The following GPBP1 variants were observed in gnomAD, a reference collection of about 807,000 sequenced individuals.
The protein encoded by GPBP1 is GC-rich promoter binding protein 1.
GPBP1 carries 13 observed loss-of-function variants against 56.5 expected under a neutral mutation model. The observed-to-expected ratio is 0.23, with a 90% confidence interval of 0.15 to 0.37. GPBP1 has a LOEUF of 0.37. GPBP1 is among the 10% of genes least tolerant of loss of function. The pLI is 1.00. For missense variants in GPBP1, 477 were observed against 572.3 expected (o/e 0.83, Z 1.70); for synonymous variants, 204 against 188.9 (o/e 1.08, Z -0.66).
intron 2 of GPBP1, among the ~76,000 whole-genome samples, chr5:57,208,713 A>G (rs1196558960): frequency 4.9e-5 from 7 of 142,596 alleles, no homozygotes; most frequent in African/African-American, 1.6e-4. Context: ...CTGGAGTGCA[A>G]TGGCGTGATC....
At chr5:57,229,076 T>C (rs749884541) in intron 3 of GPBP1, among the ~76,000 whole-genome samples, 1 of 151,158 alleles carries the variant, frequency 6.6e-6, no homozygotes, top group Non-Finnish European at 1.5e-5. Context: ...ACTAAAAATA[T>C]AAAAATTAAC....
intron 2 of GPBP1, 130 bp from the exon 3 acceptor site, chr5:57,213,944 G>T: frequency 1.8e-6 from 1 of 548,520 alleles, no homozygotes; most frequent in South Asian, 2.4e-5. Context: ...TATCTCTATA[G>T]TTTTGTCTTT....
intron 2 of GPBP1, 34 bp from the exon 3 acceptor site, chr5:57,214,040 T>C: frequency 1.0e-6 from 1 of 997,290 alleles, no homozygotes; most frequent in Non-Finnish European, 1.6e-6. Flanking sequence ...GGCCAGGAGC[T>C]GCAGGTCTAA....
At chr5:57,253,788 A>T (rs1741501003) in intron 10 of GPBP1, among the ~76,000 whole-genome samples, 1 of 152,134 alleles carries the variant, frequency 6.6e-6, no homozygotes, top group African/African-American at 2.4e-5. Context: ...CAAAAAACAA[A>T]AAAAACATAG....
At chr5:57,223,127 A>T (rs1461781993) in intron 3 of GPBP1, among the ~76,000 whole-genome samples, 1 of 151,874 alleles carries the variant, frequency 6.6e-6, no homozygotes, top group Non-Finnish European at 1.5e-5. Flanking sequence ...TTGATATTTT[A>T]AAAAATGTCC....
chr5:57,211,161 T>TG (rs1755459229), intron 2 of GPBP1, among the ~76,000 whole-genome samples: 1 of 151,886 alleles, frequency 6.6e-6, no homozygotes, highest in Non-Finnish European at 1.5e-5. Flanking sequence ...ATACTGCCTT[T>TG]TTTTTTTTTT....
intron 6 of GPBP1, among the ~76,000 whole-genome samples, chr5:57,241,242 A>G (rs985405804): frequency 1.1e-4 from 17 of 152,060 alleles, no homozygotes; most frequent in African/African-American, 3.4e-4. Flanking sequence ...TGAAATGTCA[A>G]CTCTGAATTA....
intron 3 of GPBP1, among the ~76,000 whole-genome samples, chr5:57,229,931 G>T (rs1756368252): frequency 9.6e-6 from 1 of 104,310 alleles, no homozygotes; most frequent in Non-Finnish European, 1.9e-5. Context: ...CCATCCCGTT[G>T]CATCGCATCG....
Position 57,231,098 on chromosome 5 carries a change from G to T in GPBP1, c.188G>T (p.Gly63Val). The change falls in exon 5 of 12, where the codon GGT becomes GTT. Residue 63 changes from glycine to valine, a missense_variant and splice_region_variant. This residue lies in a region of GPBP1 where 414 missense variants were observed against 458.2 expected (regional missense o/e 0.90). Coordinates refer to ENST00000506184, the MANE Select transcript of GPBP1 (RefSeq NM_022913.4). ...FDSAIGRPNGGNFGRKEKNGW... is the reference protein window; with the variant it reads ...FDSAIGRPNGVNFGRKEKNGW... ...ATTACTTTGCTATTATCAAATAAAG[G>T]TAACTTTGGAAGGAAAGAAAAAAAT... 6.2e-7 allele frequency: 1 copy of T among 1,610,776 alleles called. No homozygotes were observed. Among genetic ancestry groups the T allele is most frequent in the African/African-American group, 1.3e-5 (1 of 74,764 alleles).
intron 3 of GPBP1, among the ~76,000 whole-genome samples, chr5:57,226,729 C>CTTTTT (rs70999067): frequency 5.2e-5 from 4 of 77,098 alleles, no homozygotes; most frequent in South Asian, 3.9e-4. Flanking sequence ...TTTTTGTATT[C>CTTTTT]TTTTTTTTTT....
Position 57,192,800 on chromosome 5 carries a change from C to T in GPBP1, c.-58+16400C>T, listed in dbSNP as rs368595608. Among the ~76,000 whole-genome samples, 4 of 149,066 alleles carry T rather than the reference C, an allele frequency of 2.7e-5. No individual in the cohort carries two copies. The East Asian group carries it at 5.9e-4, about 22-fold the overall frequency. ...TTAGGAGTTACTTACATGTCTATTA[C>T]GAAGGCTAATGTTTTGTGTTAGATA... On this transcript the variant is annotated intron_variant, in intron 2 of 11. Coordinates refer to ENST00000506184, the MANE Select transcript of GPBP1 (RefSeq NM_022913.4).
intron 3 of GPBP1, chr5:57,221,366 T>G (rs1402496066): frequency 6.5e-7 from 1 of 1,529,648 alleles, no homozygotes; most frequent in Non-Finnish European, 8.8e-7. Flanking sequence ...ATCTTATCAT[T>G]TGTTAATAGG....
intron 8 of GPBP1, among the ~76,000 whole-genome samples, chr5:57,248,488 C>T (rs1275062922): frequency 2.3e-5 from 3 of 130,644 alleles, no homozygotes; most frequent in Admixed American, 9.4e-5. Flanking sequence ...AGTGCAGTGG[C>T]GGGATCTCGG....
At chr5:57,177,919 T>C (rs1340638121) in intron 2 of GPBP1, among the ~76,000 whole-genome samples, 1 of 151,844 alleles carries the variant, frequency 6.6e-6, no homozygotes. Context: ...TCCCATAGAG[T>C]GAAAGTGGTA....
Position 57,200,021 on chromosome 5 carries a change from CTTTTTTTTTTTTTTTT to C in GPBP1, c.-57-14040_-57-14025del, listed in dbSNP as rs61426559. Among the ~76,000 whole-genome samples the C allele has an allele frequency of 4.9e-3, 290 of 58,912 alleles. 1 individual carries two copies. Among genetic ancestry groups the C allele is most frequent in the Non-Finnish European group, 7.0e-3 (248 of 35,540 alleles). 38.6% of individuals were successfully genotyped at this position (58,912 alleles called of 152,430 possible). A position where few individuals can be genotyped will look rare whatever the true frequency, so the allele number is the denominator to read the frequency against. ...CTGCGCCTGGCCCTTACTTGAAAAT[CTTTTTTTTTTTTTTTT>C]TTTTTTTTTTTTCTGAAACAAGTCT... On this transcript the variant is annotated intron_variant, in intron 2 of 11. Transcript: ENST00000506184.
At chr5:57,234,658 G>A (rs1159120735) in intron 5 of GPBP1, among the ~76,000 whole-genome samples, 2 of 152,240 alleles carry the variant, frequency 1.3e-5, no homozygotes, top group African/African-American at 4.8e-5. Context: ...TCCAGCTAAA[G>A]TCAGATGTGC....
rs1491436205 is a variant in GPBP1, at chr5:57,219,404, C to CA, written c.63+5211_63+5212insA. Among the ~76,000 whole-genome samples, 121 of 25,078 alleles carry CA rather than the reference C, an allele frequency of 4.8e-3. 3 individuals carry two copies. The highest frequency in any genetic ancestry group is 5.9e-3 in the African/African-American group (24 of 4,094). The allele number at this position is 25,078 out of a possible 152,430, so 16.5% of individuals were successfully genotyped here. A position where few individuals can be genotyped will look rare whatever the true frequency, so the allele number is the denominator to read the frequency against. ...AAAAAAAAAAAAAAAAAAAAAAAAACCAAAAACAAACAAACAAAAAAAAAA... is the reference window on the plus strand; with the variant it reads ...AAAAAAAAAAAAAAAAAAAAAAAAACACAAAAACAAACAAACAAAAAAAAAA... On this transcript the variant is annotated intron_variant, in intron 3 of 11. Coordinates refer to ENST00000506184, the MANE Select transcript of GPBP1 (RefSeq NM_022913.4).
intron 3 of GPBP1, among the ~76,000 whole-genome samples, chr5:57,227,371 T>G (rs1193087350): frequency 6.6e-6 from 1 of 152,014 alleles, no homozygotes; most frequent in Non-Finnish European, 1.5e-5. Context: ...CTGGCCTAAT[T>G]TTTGTAGAGA....
chr5:57,245,701 A>G (rs1741057134), intron 6 of GPBP1: 2 of 152,218 alleles, frequency 1.3e-5, no homozygotes, highest in South Asian at 4.1e-4. Context: ...ATTTATCTTC[A>G]GAAATCAGGA....
Sources: gnomAD v4.1 joint callset for allele counts (sites outside exome capture counted in the v4.1 genomes callset) on GRCh38, gnomAD v4.1.1 for gene constraint, gnomAD v4.1.1 regional missense constraint, MANE v1.5 for transcripts, NCBI Gene and HGNC (gene_info 2026-07-23, HGNC 2026-07-21) for gene names.